Variants in MTUS1 observed in about 807,000 individuals in gnomAD.
The protein encoded by MTUS1 is microtubule associated scaffold protein 1.
A neutral mutation model predicts 120.8 loss-of-function variants in MTUS1; 109 were observed. The ratio of observed to expected loss-of-function variants is 0.90; its 90% confidence interval spans 0.77 to 1.06. The LOEUF (loss-of-function observed/expected upper bound fraction) is 1.06, where lower values mean the gene tolerates loss of function less well. Among genes scored for constraint, MTUS1 ranks in the 50% least tolerant of loss-of-function variants. The pLI is 0.00. For synonymous variants in MTUS1, 737 were observed against 550.5 expected (o/e 1.34, Z -4.74); for missense variants, 2,210 against 1,486.3 (o/e 1.49, Z -8.01).
In MTUS1 at chr8:17,660,735, A is replaced by C. The variant is rs968096661; in HGVS notation, c.2906-4670T>G. Among the ~76,000 whole-genome samples, 3 of 152,146 alleles carry C rather than the reference A, an allele frequency of 2.0e-5. No homozygotes were observed. In the South Asian group the frequency reaches 6.2e-4, roughly 32 times the overall value. ...TCAAATATATGTAACAGCCATCCTA[A>C]TGAGTACATCACTGTGGTTATGATT... is the stretch of plus-strand genomic sequence containing the variant. On this transcript the variant is annotated intron_variant, in intron 8 of 14. Transcript: ENST00000693296.
chr8:17,656,932 G>A (rs950450298), intron 8 of MTUS1, among the ~76,000 whole-genome samples: 8 of 151,590 alleles, frequency 5.3e-5, no homozygotes, highest in Non-Finnish European at 7.4e-5. Context: ...GGTGGTGGGC[G>A]CCTGTAGTCC....
chr8:17,767,704 A>AC (rs2049651246), intron 1 of MTUS1, among the ~76,000 whole-genome samples: 1 of 150,654 alleles, frequency 6.6e-6, no homozygotes, highest in Non-Finnish European at 1.5e-5. Flanking sequence ...GTCTCTTAAA[A>AC]AAAAAAAAAA....
chr8:17,768,220 A>G (rs1304790923), intron 1 of MTUS1, among the ~76,000 whole-genome samples: 1 of 152,224 alleles, frequency 6.6e-6, no homozygotes, highest in African/African-American at 2.4e-5. Flanking sequence ...AGTATAAACT[A>G]GGAGAGTTTT....
chr8:17,752,145 C>T (rs371390557), intron 2 of MTUS1, among the ~76,000 whole-genome samples: 1 of 152,124 alleles, frequency 6.6e-6, no homozygotes, highest in East Asian at 1.9e-4. Flanking sequence ...CCCTAAGACT[C>T]AATGCACAAA....
At chr8:17,788,577 G>C (rs1483812650) in intron 1 of MTUS1, among the ~76,000 whole-genome samples, 1 of 152,152 alleles carries the variant, frequency 6.6e-6, no homozygotes, top group African/African-American at 2.4e-5. Context: ...CCACCACCTT[G>C]AAAAGCAGGC....
chr8:17,798,279 C>T (rs2131616815), intron 1 of MTUS1, among the ~76,000 whole-genome samples: 1 of 152,232 alleles, frequency 6.6e-6, no homozygotes, highest in African/African-American at 2.4e-5. Context: ...CAGTCTCTAA[C>T]CCAAGATATG....
intron 1 of MTUS1, among the ~76,000 whole-genome samples, chr8:17,760,601 C>T (rs1405637582): frequency 6.6e-6 from 1 of 152,126 alleles, no homozygotes; most frequent in African/African-American, 2.4e-5. Flanking sequence ...TTTTATTTCT[C>T]CCCGACTTTA....
intron 8 of MTUS1, among the ~76,000 whole-genome samples, chr8:17,660,593 T>G (rs576638368): frequency 6.6e-6 from 1 of 152,278 alleles, no homozygotes; most frequent in Admixed American, 6.5e-5. Context: ...TATTAATTAT[T>G]TGAAGGACTA....
At chr8:17,799,108 T>A (rs1341936567) in intron 1 of MTUS1, among the ~76,000 whole-genome samples, 1 of 152,138 alleles carries the variant, frequency 6.6e-6, no homozygotes, top group East Asian at 1.9e-4. Flanking sequence ...GGAACATAAT[T>A]TGGTTAAACA....
chr8:17,681,863 G>T (rs1159149845), intron 7 of MTUS1, among the ~76,000 whole-genome samples: 1 of 151,952 alleles, frequency 6.6e-6, no homozygotes, highest in Non-Finnish European at 1.5e-5. Flanking sequence ...TGAAAAAGAT[G>T]AAGCTAATTT....
At chr8:17,721,696 G>C in intron 4 of MTUS1, 1 of 1,546,340 alleles carries the variant, frequency 6.5e-7, no homozygotes, top group Non-Finnish European at 8.7e-7. Context: ...AAAGAAACCA[G>C]AAATCGTCGA....
intron 1 of MTUS1, among the ~76,000 whole-genome samples, chr8:17,770,778 T>TA (rs1389729921): frequency 6.6e-6 from 1 of 152,214 alleles, no homozygotes; most frequent in Non-Finnish European, 1.5e-5. Context: ...AGAAAACTTG[T>TA]ACGCAGATGT....
chr8:17,788,121 CAA>C (rs1158573994), intron 1 of MTUS1, among the ~76,000 whole-genome samples: 2 of 142,578 alleles, frequency 1.4e-5, no homozygotes, highest in African/African-American at 2.6e-5. Context: ...AACTCCATCT[CAA>C]AAAAAAAAAG....
intron 6 of MTUS1, among the ~76,000 whole-genome samples, chr8:17,698,159 G>A (rs1298352289): frequency 1.3e-5 from 2 of 152,172 alleles, no homozygotes; most frequent in Non-Finnish European, 2.9e-5. Flanking sequence ...TTCTCTATCA[G>A]ATGTAATATC....
At chr8:17,679,262 A>G (rs1813769139) in intron 7 of MTUS1, among the ~76,000 whole-genome samples, 1 of 152,044 alleles carries the variant, frequency 6.6e-6, no homozygotes, top group Non-Finnish European at 1.5e-5. Flanking sequence ...CATACAATGT[A>G]TAGGTATATC....
intron 8 of MTUS1, among the ~76,000 whole-genome samples, chr8:17,661,298 C>G (rs1360532853): frequency 6.6e-6 from 1 of 152,130 alleles, no homozygotes. Context: ...TTCACGCAGG[C>G]TTTTCACTTG....
At chr8:17,691,118 C>T (rs1816858347) in intron 6 of MTUS1, among the ~76,000 whole-genome samples, 1 of 152,156 alleles carries the variant, frequency 6.6e-6, no homozygotes, top group Non-Finnish European at 1.5e-5. Context: ...AAAAACACTG[C>T]TATCCTTCCC....
intron 1 of MTUS1, among the ~76,000 whole-genome samples, chr8:17,796,572 G>C (rs1364495077): frequency 6.6e-6 from 1 of 152,090 alleles, no homozygotes; most frequent in South Asian, 2.1e-4. Flanking sequence ...GTATGAAAAG[G>C]AAGTTTTATC....
chr8:17,729,600 AAAAT>A (rs904361279), intron 3 of MTUS1, among the ~76,000 whole-genome samples: 1 of 152,226 alleles, frequency 6.6e-6, no homozygotes, highest in African/African-American at 2.4e-5. Context: ...AAAAATGAGA[AAAAT>A]AAAAGTTCTG....
Sources: gnomAD v4.1 joint callset for allele counts (sites outside exome capture counted in the v4.1 genomes callset) on GRCh38, gnomAD v4.1.1 for gene constraint, MANE v1.5 for transcripts, NCBI Gene and HGNC (gene_info 2026-07-23, HGNC 2026-07-21) for gene names.